SKIL: variants seen among roughly 807,000 people sequenced by gnomAD.
SKIL encodes SKI like proto-oncogene.
Under a neutral mutation model 69.6 loss-of-function variants are expected in SKIL, and 20 were observed. That is an observed-to-expected ratio of 0.29 (90% CI 0.20 to 0.42). The LOEUF is 0.42. SKIL is among the 10% of genes least tolerant of loss of function. SKIL has a pLI of 1.00. For synonymous variants in SKIL, 310 were observed against 279.9 expected, an observed-to-expected ratio of 1.11 and a Z score of -1.08; for missense variants, 745 against 783.1, an observed-to-expected ratio of 0.95 and a Z score of 0.58.
chr3:170,387,995 G>C (rs1737735792), intron 4 of SKIL, among the ~76,000 whole-genome samples: 1 of 147,146 alleles, frequency 6.8e-6, no homozygotes, highest in Non-Finnish European at 1.5e-5. Context: ...AGAAGTTTAA[G>C]TGTAGAACTA....
chr3:170,367,201 C>T (rs1736573825), intron 2 of SKIL, among the ~76,000 whole-genome samples: 1 of 152,052 alleles, frequency 6.6e-6, no homozygotes, highest in South Asian at 2.1e-4. Flanking sequence ...CTCCACCTCC[C>T]AGGTTCACGC....
intron 3 of SKIL, among the ~76,000 whole-genome samples, chr3:170,384,037 CAAA>C (rs58541525): frequency 8.4e-5 from 6 of 71,014 alleles, no homozygotes; most frequent in African/African-American, 2.1e-4. Context: ...AATTACTTGC[CAAA>C]AAAAAAAAAA....
intron 2 of SKIL, among the ~76,000 whole-genome samples, chr3:170,378,462 T>C (rs1737146290): frequency 6.6e-6 from 1 of 151,978 alleles, no homozygotes; most frequent in Non-Finnish European, 1.5e-5. Context: ...CTTAGTTTCT[T>C]GGTTCCAAAC....
chr3:170,376,990 T>A (rs1737063677), intron 2 of SKIL, among the ~76,000 whole-genome samples: 1 of 152,200 alleles, frequency 6.6e-6, no homozygotes, highest in African/African-American at 2.4e-5. Flanking sequence ...TTACTCAGAT[T>A]GTCTTGCTTT....
chr3:170,374,460 TA>T (rs1460122242), intron 2 of SKIL, among the ~76,000 whole-genome samples: 1 of 152,342 alleles, frequency 6.6e-6, no homozygotes, highest in Non-Finnish European at 1.5e-5. Flanking sequence ...TATTGTATTT[TA>T]AAATTTAAAT....
chr3:170,369,082 A>ATTTTTTTTTTTTT (rs55652320), intron 2 of SKIL, among the ~76,000 whole-genome samples: 1 of 126,776 alleles, frequency 7.9e-6, no homozygotes, highest in Non-Finnish European at 1.7e-5. Flanking sequence ...TATCCCTGGC[A>ATTTTTTTTTTTTT]TTTTTTTTTT....
Position 170,393,984 on chromosome 3 carries a change from A to T in SKIL, c.*1567A>T, listed in dbSNP as rs1474044213. The stretch of plus-strand genomic sequence containing the variant: ...CTTCCCCAAATGTAATTTATTTACT[A>T]AATTGAGTATAACCTAAATGTGTGT... On this transcript the variant is annotated 3_prime_UTR_variant, in exon 7 of 7. Transcript: ENST00000259119. The T allele has an allele frequency of 6.6e-6, 1 of 152,152 alleles. No homozygotes were observed. Among genetic ancestry groups the T allele is most frequent in the Non-Finnish European group, 1.5e-5 (1 of 68,028 alleles). The allele number at this position is 152,152 out of a possible 1,614,324, so 9.4% of individuals were successfully genotyped here.
chr3:170,370,393 TC>T (rs1736742970), intron 2 of SKIL, among the ~76,000 whole-genome samples: 1 of 148,642 alleles, frequency 6.7e-6, no homozygotes, highest in Admixed American at 6.8e-5. Flanking sequence ...ATGTAATATT[TC>T]TATATATACA....
intron 2 of SKIL, among the ~76,000 whole-genome samples, chr3:170,369,430 T>C (rs966402086): frequency 2.6e-5 from 4 of 152,028 alleles, no homozygotes; most frequent in Non-Finnish European, 5.9e-5. Flanking sequence ...ATAAGGAGTT[T>C]TGCTCTTGTA....
chr3:170,388,500 T>A (rs2108224056), intron 4 of SKIL, among the ~76,000 whole-genome samples: 1 of 152,284 alleles, frequency 6.6e-6, no homozygotes, highest in East Asian at 1.9e-4. Flanking sequence ...TCACCCCAGC[T>A]TGGCTCACTG....
chr3:170,388,348 G>GGTT (rs35942530), intron 4 of SKIL, among the ~76,000 whole-genome samples: 116,714 of 151,850 alleles, frequency 0.77, 45,633 homozygotes, highest in East Asian at 0.94. Context: ...TTTAATGCTA[G>GGTT]GTTGTTTTAC....
At chr3:170,380,931 G>A (rs1737311225) in intron 2 of SKIL, among the ~76,000 whole-genome samples, 1 of 151,698 alleles carries the variant, frequency 6.6e-6, no homozygotes, top group Non-Finnish European at 1.5e-5. Context: ...TGGGCTCAAG[G>A]GATTCTCCCA....
At chr3:170,359,634 G>T (rs1278263191) in intron 1 of SKIL, 65 bp from the exon 2 acceptor site, 1 of 151,240 alleles carries the variant, frequency 6.6e-6, no homozygotes, top group Non-Finnish European at 1.5e-5. Flanking sequence ...GTTTCAAATT[G>T]GCCCTTTGGC....
At chr3:170,378,170 C>G (rs189204896) in intron 2 of SKIL, among the ~76,000 whole-genome samples, 4 of 151,730 alleles carry the variant, frequency 2.6e-5, no homozygotes, top group Admixed American at 2.6e-4. Flanking sequence ...GGATTACAGG[C>G]GTGAGCCACT....
Position 170,390,282 on chromosome 3 carries a change from T to A in SKIL, c.1489T>A (p.Leu497Ile). 1 of 1,613,204 alleles carries A rather than the reference T, an allele frequency of 6.2e-7. No homozygotes were observed. The highest frequency in any genetic ancestry group is 8.5e-7 in the Non-Finnish European group (1 of 1,179,132). The stretch of plus-strand genomic sequence containing the variant: ...GAAATCTGAGTCTGCCACTTGCAAC[T>A]TAGTCAGAGACATAAACAAAGTGGG... ...KRKSESATCN[L>I]VRDINKVGIG... Residue 497 changes from leucine to isoleucine, a missense_variant, in exon 5 of 7, where the codon TTA becomes ATA. Coordinates refer to ENST00000259119, the MANE Select transcript of SKIL (RefSeq NM_005414.5).
At chr3:170,386,846 A>G (rs1373608942) in intron 4 of SKIL, among the ~76,000 whole-genome samples, 2 of 152,182 alleles carry the variant, frequency 1.3e-5, no homozygotes, top group Admixed American at 1.3e-4. Context: ...CTATTATGCC[A>G]TATTTACATT....
intron 2 of SKIL, among the ~76,000 whole-genome samples, chr3:170,373,100 G>A (rs1034146283): frequency 6.6e-6 from 1 of 151,196 alleles, no homozygotes. Flanking sequence ...AGGTTCAAGC[G>A]ATTCTCTTGT....
chr3:170,396,369 T>C lies in SKIL; in HGVS notation c.*3952T>C, dbSNP rs1350130089. 1 of 152,170 alleles carries C rather than the reference T, an allele frequency of 6.6e-6. No individual in the cohort carries two copies. The highest frequency in any genetic ancestry group is 6.5e-5 in the Admixed American group (1 of 15,268). The allele number at this position is 152,170 out of a possible 1,614,324, so 9.4% of individuals were successfully genotyped here. A position where few individuals can be genotyped will look rare whatever the true frequency, so the allele number is the denominator to read the frequency against. On this transcript the variant is annotated 3_prime_UTR_variant, in exon 7 of 7. Transcript: ENST00000259119. ...TATGAGAAATAAAATTTTACTTGTT[T>C]TTACTATCCTGTTAGAAGTATTTGT...
intron 6 of SKIL, among the ~76,000 whole-genome samples, chr3:170,391,601 G>C (rs1379576203): frequency 1.3e-5 from 2 of 152,094 alleles, no homozygotes; most frequent in South Asian, 2.1e-4. Context: ...TTACAAGCAT[G>C]AGCCACTGCA....
Sources: allele counts gnomAD v4.1 joint callset (sites outside exome capture counted in the v4.1 genomes callset), GRCh38; gene constraint gnomAD v4.1.1; transcripts MANE v1.5; gene names NCBI Gene and HGNC (gene_info 2026-07-23, HGNC 2026-07-21).